The following RANBP2 variants were observed in gnomAD, a reference collection of about 807,000 sequenced individuals.
RANBP2 encodes the protein E3 SUMO-protein ligase RanBP2.
In RANBP2, 57 loss-of-function variants were observed where a neutral mutation model predicts 303.6. That is an observed-to-expected ratio of 0.19 (90% CI 0.15 to 0.23). The LOEUF is 0.23. RANBP2 is among the 10% of genes least tolerant of loss of function. The pLI is 1.00. For missense variants in RANBP2, 3,138 were observed against 3,780.8 expected (o/e 0.83, Z 4.46); for synonymous variants, 1,167 against 1,301.5 (o/e 0.90, Z 2.23).
At chr2:109,327,973 A>G in the RANBP2 span, among the ~76,000 whole-genome samples, 150 of 152,376 alleles carry the variant, frequency 9.8e-4, 1 homozygote, top group African/African-American at 3.3e-3. Context: ...GGCGATATCC[A>G]GCATCAGCAG....
At chr2:109,739,549 C>T in the RANBP2 span, among the ~76,000 whole-genome samples, 1 of 152,216 alleles carries the variant, frequency 6.6e-6, no homozygotes, top group African/African-American at 2.4e-5. Context: ...TATAGAAATG[C>T]TACTGATTTT....
At chr2:109,030,021 C>T in the RANBP2 span, among the ~76,000 whole-genome samples, 1 of 152,198 alleles carries the variant, frequency 6.6e-6, no homozygotes, top group Non-Finnish European at 1.5e-5. Flanking sequence ...AGTGCCAGTT[C>T]GAGTGTGTGG....
chr2:108,752,622 AAAAAAAAAAAAAAAG>A (rs1273931910), intron 12 of RANBP2, among the ~76,000 whole-genome samples: 3 of 139,104 alleles, frequency 2.2e-5, no homozygotes, highest in African/African-American at 5.9e-5. Context: ...AAATACAAAA[AAAAAAAAAAAAAAAG>A]AAAAAATTAG....
chr2:108,748,393 T>C (rs929884587), intron 8 of RANBP2, among the ~76,000 whole-genome samples: 1 of 129,546 alleles, frequency 7.7e-6, no homozygotes, highest in African/African-American at 3.3e-5. Context: ...TTTTTTTTTT[T>C]TGTATTTTTA....
At chr2:108,992,539 G>A in the RANBP2 span, among the ~76,000 whole-genome samples, 1 of 152,182 alleles carries the variant, frequency 6.6e-6, no homozygotes, top group Non-Finnish European at 1.5e-5. Context: ...CTGTCTGGCA[G>A]CTGGGCCCTG....
the RANBP2 span, among the ~76,000 whole-genome samples, chr2:109,493,322 C>T: frequency 1.7e-4 from 24 of 143,174 alleles, 1 homozygote; most frequent in East Asian, 5.2e-3. Context: ...TATACGTACA[C>T]CATACAAACA....
At chr2:109,378,195 T>C in the RANBP2 span, among the ~76,000 whole-genome samples, 5 of 152,220 alleles carry the variant, frequency 3.3e-5, no homozygotes, top group African/African-American at 1.2e-4. Flanking sequence ...TCTGATCCTG[T>C]GGTCCGGGTG....
chr2:108,732,049 A>G (rs1198712221), intron 4 of RANBP2, among the ~76,000 whole-genome samples: 2 of 152,182 alleles, frequency 1.3e-5, no homozygotes, highest in Non-Finnish European at 2.9e-5. Flanking sequence ...AATCTACACA[A>G]ATATGTTTGG....
chr2:108,719,704 G>A lies in RANBP2; in HGVS notation c.72+26G>A, dbSNP rs756583952. ...GTGAGTGGGTCTCGAAGAGACCGAC[G>A]GCCTCGACCTGGCCGGGCGGCGGCC... On this transcript the variant is annotated intron_variant, in intron 1 of 28. Coordinates refer to ENST00000283195, the MANE Select transcript of RANBP2 (RefSeq NM_006267.5). The A allele has an allele frequency of 4.8e-5, 76 of 1,580,168 alleles. No individual in the cohort carries two copies. The South Asian group carries it at 8.6e-4, about 18-fold the overall frequency.
chr2:109,393,095 T>C, the RANBP2 span, among the ~76,000 whole-genome samples: 3 of 152,324 alleles, frequency 2.0e-5, no homozygotes, highest in South Asian at 6.2e-4. Flanking sequence ...TCCTGAGATG[T>C]CTCCCAACAA....
chr2:109,514,922 C>T, the RANBP2 span, among the ~76,000 whole-genome samples: 4 of 151,828 alleles, frequency 2.6e-5, no homozygotes, highest in East Asian at 5.8e-4. Context: ...CCCCCATGCC[C>T]CTCACACACT....
At chr2:109,407,526 A>T in the RANBP2 span, among the ~76,000 whole-genome samples, 1 of 152,138 alleles carries the variant, frequency 6.6e-6, no homozygotes, top group Admixed American at 6.6e-5. Flanking sequence ...AAGCTGAAGG[A>T]GCTGAAGCAG....
At chr2:109,159,337 G>GCCTGC in the RANBP2 span, among the ~76,000 whole-genome samples, 1 of 152,116 alleles carries the variant, frequency 6.6e-6, no homozygotes, top group African/African-American at 2.4e-5. Flanking sequence ...AGAGGGTGCT[G>GCCTGC]CCTGCCCTGC....
At chr2:109,038,736 G>A in the RANBP2 span, among the ~76,000 whole-genome samples, 2 of 152,144 alleles carry the variant, frequency 1.3e-5, no homozygotes, top group African/African-American at 4.8e-5. Context: ...CTGGGTTATA[G>A]CTTAAGACAA....
At chr2:109,328,191 G>T in the RANBP2 span, among the ~76,000 whole-genome samples, 1 of 152,198 alleles carries the variant, frequency 6.6e-6, no homozygotes, top group Non-Finnish European at 1.5e-5. Context: ...ATTAGTCCAT[G>T]TGTGGATTTC....
At chr2:109,080,641 G>T in the RANBP2 span, among the ~76,000 whole-genome samples, 5 of 152,272 alleles carry the variant, frequency 3.3e-5, no homozygotes, top group East Asian at 9.7e-4. Flanking sequence ...AACCTTTCAA[G>T]AACTATTCTT....
chr2:108,941,239 ATTTG>A, the RANBP2 span, among the ~76,000 whole-genome samples: 774 of 152,212 alleles, frequency 5.1e-3, 3 homozygotes, highest in Non-Finnish European at 6.8e-3. Flanking sequence ...TGCCCATTCC[ATTTG>A]TTTTTGCTAA....
the RANBP2 span, among the ~76,000 whole-genome samples, chr2:109,625,990 A>G: frequency 6.6e-6 from 1 of 152,192 alleles, no homozygotes; most frequent in Non-Finnish European, 1.5e-5. Context: ...AAACATAGCA[A>G]GATGTTTAAA....
the RANBP2 span, among the ~76,000 whole-genome samples, chr2:109,215,225 T>A: frequency 3.3e-5 from 5 of 152,238 alleles, 1 homozygote; most frequent in Non-Finnish European, 7.4e-5. Context: ...CCCTGCCCCC[T>A]TACTAATGTC....
Sources: gnomAD v4.1 joint callset for allele counts (sites outside exome capture counted in the v4.1 genomes callset) on GRCh38, gnomAD v4.1.1 for gene constraint, MANE v1.5 for transcripts, NCBI Gene and HGNC (gene_info 2026-07-23, HGNC 2026-07-21) for gene names.